Variants in CHCHD3 observed in about 807,000 individuals in gnomAD.
The protein encoded by CHCHD3 is coiled-coil-helix-coiled-coil-helix domain containing 3.
In CHCHD3, 20 loss-of-function variants were observed where a neutral mutation model predicts 38.2. That is an observed-to-expected ratio of 0.52 (90% CI 0.37 to 0.76). The LOEUF (loss-of-function observed/expected upper bound fraction) is 0.76. Ranked by LOEUF, CHCHD3 falls within the 30% of genes least tolerant of loss-of-function variation. The pLI is 0.00. For missense variants in CHCHD3, 245 were observed against 279.2 expected (o/e 0.88, Z 0.87); for synonymous variants, 82 against 100.0 (o/e 0.82, Z 1.07).
intron 5 of CHCHD3, among the ~76,000 whole-genome samples, chr7:132,842,553 T>A (rs1807966381): frequency 6.6e-6 from 1 of 152,194 alleles, no homozygotes; most frequent in Admixed American, 6.5e-5. Flanking sequence ...TAATCTTGGA[T>A]CCTATGTTGT....
intron 4 of CHCHD3, among the ~76,000 whole-genome samples, chr7:132,892,660 C>G (rs1809391987): frequency 6.6e-6 from 1 of 152,196 alleles, no homozygotes; most frequent in Non-Finnish European, 1.5e-5. Context: ...AAACGGTTGC[C>G]TGGACCAGAC....
intron 4 of CHCHD3, among the ~76,000 whole-genome samples, chr7:132,905,150 C>T (rs970995600): frequency 1.6e-4 from 25 of 151,840 alleles, no homozygotes; most frequent in Admixed American, 1.1e-3. Flanking sequence ...CTAATGTAAA[C>T]GACGAGTTAA....
intron 3 of CHCHD3, among the ~76,000 whole-genome samples, chr7:133,014,469 A>C (rs1032421632): frequency 6.6e-5 from 10 of 152,182 alleles, no homozygotes; most frequent in Admixed American, 2.0e-4. Flanking sequence ...AGATAAATTC[A>C]ATATTCTAGT....
intron 6 of CHCHD3, among the ~76,000 whole-genome samples, chr7:132,803,477 A>AT (rs913437672): frequency 3.9e-5 from 6 of 152,068 alleles, no homozygotes; most frequent in African/African-American, 1.4e-4. Flanking sequence ...TCAATCATAG[A>AT]TTTTTCCTTA....
chr7:132,823,076 T>C (rs1186651772), intron 6 of CHCHD3, among the ~76,000 whole-genome samples: 2 of 152,208 alleles, frequency 1.3e-5, no homozygotes, highest in Non-Finnish European at 2.9e-5. Context: ...TATTAACATA[T>C]CTACTCATAG....
intron 4 of CHCHD3, among the ~76,000 whole-genome samples, chr7:132,924,459 AAATT>A (rs956984919): frequency 6.6e-6 from 1 of 152,168 alleles, no homozygotes; most frequent in Non-Finnish European, 1.5e-5. Flanking sequence ...GTATAGGTAA[AAATT>A]AATCTCTCCT....
intron 4 of CHCHD3, among the ~76,000 whole-genome samples, chr7:132,902,119 T>G (rs1032461677): frequency 2.6e-5 from 4 of 152,164 alleles, no homozygotes; most frequent in Admixed American, 1.3e-4. Flanking sequence ...AAAACCACAA[T>G]GAGATACCAT....
intron 4 of CHCHD3, among the ~76,000 whole-genome samples, chr7:132,937,782 T>C (rs775152884): frequency 6.6e-6 from 1 of 152,180 alleles, no homozygotes; most frequent in Non-Finnish European, 1.5e-5. Context: ...CAAACAGCAA[T>C]TTACCCAATA....
intron 4 of CHCHD3, among the ~76,000 whole-genome samples, chr7:132,951,412 T>C (rs1751207615): frequency 6.6e-6 from 1 of 152,264 alleles, no homozygotes; most frequent in Non-Finnish European, 1.5e-5. Flanking sequence ...CTATAACCTG[T>C]TGGGAATATT....
At chr7:133,058,253 TC>T (rs1216040046) in intron 2 of CHCHD3, among the ~76,000 whole-genome samples, 36 of 151,874 alleles carry the variant, frequency 2.4e-4, no homozygotes, top group African/African-American at 8.2e-4. Context: ...TTTTTTTTTT[TC>T]TTTGAGATGG....
chr7:132,912,001 A>G (rs1199825262), intron 4 of CHCHD3, among the ~76,000 whole-genome samples: 1 of 152,212 alleles, frequency 6.6e-6, no homozygotes, highest in Non-Finnish European at 1.5e-5. Flanking sequence ...CTTTGCAAAC[A>G]CAACAAACGT....
intron 5 of CHCHD3, among the ~76,000 whole-genome samples, chr7:132,840,966 A>C (rs761093295): frequency 6.6e-6 from 1 of 152,090 alleles, no homozygotes; most frequent in Non-Finnish European, 1.5e-5. Flanking sequence ...GTGTTGCTTG[A>C]AAACTTAGCA....
At chr7:132,952,540 A>G (rs1811057525) in intron 4 of CHCHD3, among the ~76,000 whole-genome samples, 1 of 152,250 alleles carries the variant, frequency 6.6e-6, no homozygotes, top group Non-Finnish European at 1.5e-5. Flanking sequence ...CTAAGGAACT[A>G]ATATCAAGCC....
At chr7:133,074,488 A>C (rs1814918649) in intron 1 of CHCHD3, among the ~76,000 whole-genome samples, 3 of 152,168 alleles carry the variant, frequency 2.0e-5, no homozygotes, top group Admixed American at 2.0e-4. Context: ...AAACTGAGAC[A>C]CATCCTAGAA....
intron 6 of CHCHD3, among the ~76,000 whole-genome samples, chr7:132,803,815 G>A (rs1302632497): frequency 7.3e-6 from 1 of 137,858 alleles, no homozygotes; most frequent in Non-Finnish European, 1.6e-5. Context: ...CAGTCCCTCT[G>A]TTTTTTCTCC....
At chr7:132,934,943 T>C (rs1038384017) in intron 4 of CHCHD3, among the ~76,000 whole-genome samples, 2 of 152,194 alleles carry the variant, frequency 1.3e-5, no homozygotes, top group Non-Finnish European at 2.9e-5. Context: ...AATAATATTT[T>C]TGTACTTCAG....
intron 6 of CHCHD3, among the ~76,000 whole-genome samples, chr7:132,828,848 A>C (rs1467158247): frequency 6.6e-6 from 1 of 152,208 alleles, no homozygotes; most frequent in Non-Finnish European, 1.5e-5. Context: ...AACTACCCTG[A>C]GCTACCATTT....
chr7:132,884,916 C>A (rs779156003), intron 5 of CHCHD3, among the ~76,000 whole-genome samples: 1 of 152,188 alleles, frequency 6.6e-6, no homozygotes, highest in Non-Finnish European at 1.5e-5. Context: ...AGGAGACATT[C>A]ATTTCTAAAC....
intron 6 of CHCHD3, among the ~76,000 whole-genome samples, chr7:132,808,307 C>G (rs1404936756): frequency 6.6e-6 from 1 of 152,160 alleles, no homozygotes; most frequent in African/African-American, 2.4e-5. Flanking sequence ...TTTTTAATTG[C>G]TCTCTCCCCA....
Sources: allele counts gnomAD v4.1 joint callset (sites outside exome capture counted in the v4.1 genomes callset), GRCh38; gene constraint gnomAD v4.1.1; transcripts MANE v1.5; gene names NCBI Gene and HGNC (gene_info 2026-07-23, HGNC 2026-07-21).